TFAP2A: variants seen among roughly 807,000 people sequenced by gnomAD.
TFAP2A encodes transcription factor AP-2-alpha.
TFAP2A carries 7 observed loss-of-function variants against 41.5 expected under a neutral mutation model. The observed-to-expected ratio is 0.17, with a 90% CI of 0.10 to 0.32. The LOEUF is 0.32. TFAP2A is among the 10% of genes least tolerant of loss of function. The pLI is 1.00. For missense variants in TFAP2A, 416 were observed against 563.3 expected (o/e 0.74, Z 2.65); for synonymous variants, 247 against 242.8 (o/e 1.02, Z -0.16).
chr6:10,410,101 G>C lies in TFAP2A; in HGVS notation c.286C>G (p.Pro96Ala). 1 of 1,612,960 alleles carries C rather than the reference G, an allele frequency of 6.2e-7. No homozygotes were observed. Among genetic ancestry groups the C allele is most frequent in the Non-Finnish European group, 8.5e-7 (1 of 1,179,872 alleles). ...CTCTGCCTCTGGCCGGGCCAGCCTG[G>C]GTGCTGCGGCTGCGGCTGGGCGTGC... is the stretch of plus-strand genomic sequence containing the variant. ...PLHAQPQPQH[P>A]GWPGQRQSQE... The change falls in exon 2 of 7, where the codon CCA becomes GCA. Residue 96 changes from proline to alanine, a missense_variant. Around this residue, in one of 3 missense-constraint regions of TFAP2A, gnomAD observed 241 missense variants for 274.1 expected, o/e 0.88. Transcript: ENST00000379613.
rs188674648 is a variant in TFAP2A, at chr6:10,398,290, G to C, written c.*127C>G. On this transcript the variant is annotated 3_prime_UTR_variant, in exon 7 of 7. Coordinates refer to ENST00000379613, the MANE Select transcript of TFAP2A (RefSeq NM_001372066.1). The surrounding 1 kb of genome is among the most constrained non-coding windows in gnomAD (Gnocchi z 5.3). ...GGGACCCAAGGGCAGCGGCGGCGGC[G>C]GCGGCGGCAGCAGCAGCAGCAGTAG... The C allele has an allele frequency of 4.9e-5, 77 of 1,586,004 alleles. 1 individual carries two copies. In the African/African-American group the frequency reaches 8.0e-4, roughly 17 times the overall value.
chr6:10,398,207 T>G lies in TFAP2A; in HGVS notation c.*210A>C. On this transcript the variant is annotated 3_prime_UTR_variant, in exon 7 of 7. Transcript: ENST00000379613. This position sits in a 1 kb window ranked among gnomAD's most constrained non-coding sequence, Gnocchi z 5.3. The stretch of plus-strand genomic sequence containing the variant: ...GAGCGGGTGGGGAGGTCGAGGCGGG[T>G]GCAGAGTCGGAGAGGCTGCCCCACT... 6.8e-7 allele frequency: 1 copy of G among 1,461,812 alleles called. No homozygotes were observed. The highest frequency in any genetic ancestry group is 9.0e-7 in the Non-Finnish European group (1 of 1,110,750). 90.6% of individuals were successfully genotyped at this position (1,461,812 alleles called of 1,614,324 possible).
intron 3 of TFAP2A, 54 bp from the exon 4 acceptor site, chr6:10,404,793 C>G: frequency 2.9e-6 from 4 of 1,398,356 alleles, no homozygotes; most frequent in Non-Finnish European, 3.8e-6. Flanking sequence ...ACCCCCAAAT[C>G]CTGCCCGACC....
At chr6:10,409,815 CA>C (rs1757873152) in intron 2 of TFAP2A, 85 bp downstream of exon 2, 2 of 1,472,662 alleles carry the variant, frequency 1.4e-6, no homozygotes. Flanking sequence ...AACCCGGGCC[CA>C]CCGACTGTAT....
At chr6:10,404,422 G>T in intron 4 of TFAP2A, 86 bp downstream of exon 4, 2 of 1,032,736 alleles carry the variant, frequency 1.9e-6, no homozygotes, top group South Asian at 6.0e-5. Context: ...CGCGAGGCCT[G>T]TTTGCGTCGC....
At chr6:10,400,955 G>A (rs1288795402) in intron 5 of TFAP2A, among the ~76,000 whole-genome samples, 6 of 152,068 alleles carry the variant, frequency 3.9e-5, no homozygotes, top group African/African-American at 1.5e-4. Context: ...ATTACTCTTT[G>A]AGCTTTTCTG....
At position 10,404,531 on chromosome 6, in the gene TFAP2A, C is replaced by G. The variant is rs1372051364; in HGVS notation, c.747G>C (p.Ser249=). 4 of 1,611,684 alleles carry G rather than the reference C, an allele frequency of 2.5e-6. No homozygotes were observed. The East Asian group carries it at 8.9e-5, about 36-fold the overall frequency. ...ACCTCCGGAGCACTCCGCCCAGCAG[C>G]GACGCGTTGAGACACTCGGGTGGTG... ...RLSPPECLNA[S]LLGGVLRRAK... Residue 249 remains serine, a synonymous_variant, in exon 4 of 7, where the codon TCG becomes TCC. Transcript: ENST00000379613.
At chr6:10,412,819 A>C (rs1758053413) in intron 1 of TFAP2A, 1 of 178,852 alleles carries the variant, frequency 5.6e-6, no homozygotes, top group Non-Finnish European at 1.2e-5. Context: ...CGCTCGCTGC[A>C]CTGGTCCTCT....
intron 6 of TFAP2A, among the ~76,000 whole-genome samples, chr6:10,400,065 G>A (rs1230022704): frequency 1.3e-5 from 2 of 152,128 alleles, no homozygotes; most frequent in East Asian, 3.9e-4. Flanking sequence ...TGCCCTTGGA[G>A]AACATATTGA....
At chr6:10,404,924 A>C in intron 3 of TFAP2A, 185 bp from the exon 4 acceptor site, 3 of 610,744 alleles carry the variant, frequency 4.9e-6, no homozygotes, top group Non-Finnish European at 8.6e-6. Context: ...GCCCTTCCCT[A>C]CCTCACCCGG....
intron 1 of TFAP2A, chr6:10,412,391 T>A: frequency 1.7e-6 from 1 of 603,230 alleles, no homozygotes; most frequent in Non-Finnish European, 2.0e-6. Context: ...AAAGAAAGTG[T>A]GGGCGAGGGA....
At chr6:10,405,525 G>A (rs1479795614) in intron 3 of TFAP2A, 3 of 151,796 alleles carry the variant, frequency 2.0e-5, no homozygotes, top group Non-Finnish European at 4.4e-5. Context: ...TGGGAAAGTG[G>A]GTATATATAC....
intron 1 of TFAP2A, 120 bp downstream of exon 1, chr6:10,414,821 C>A: frequency 7.4e-7 from 1 of 1,356,340 alleles, no homozygotes. Flanking sequence ...ACGGGCGCTG[C>A]GCTGGGGAAA....
intron 2 of TFAP2A, among the ~76,000 whole-genome samples, chr6:10,408,778 C>T (rs749953669): frequency 2.0e-5 from 3 of 152,190 alleles, no homozygotes; most frequent in African/African-American, 4.8e-5. Context: ...TATTTTCCTA[C>T]GGAACTTAAA....
chr6:10,398,522 G>A lies in TFAP2A; in HGVS notation c.1215C>T (p.Thr405=), dbSNP rs201494266. 80 of 1,614,244 alleles carry A rather than the reference G, an allele frequency of 5.0e-5. No individual in the cohort carries two copies. In the Middle Eastern group the frequency reaches 3.5e-3, roughly 70 times the overall value. The change falls in exon 7 of 7, where the codon ACC becomes ACT. Residue 405 remains threonine, a synonymous_variant. Transcript: ENST00000379613. This position sits in a 1 kb window ranked among gnomAD's most constrained non-coding sequence, Gnocchi z 5.3. ...AAVTALQNYL[T]EALKAMDKMY... is the part of the protein sequence containing the mutation. ...TTTTGTCCATGGCCTTGAGGGCCTCGGTGAGATAGTTCTGCAGGGCCGTGA... is the reference window on the plus strand; with the variant it reads ...TTTTGTCCATGGCCTTGAGGGCCTCAGTGAGATAGTTCTGCAGGGCCGTGA...
chr6:10,406,127 G>C (rs1173109966), intron 3 of TFAP2A: 1 of 152,224 alleles, frequency 6.6e-6, no homozygotes, highest in Non-Finnish European at 1.5e-5. Context: ...CTGCTACCAA[G>C]AGTGAATAGC....
chr6:10,404,015 C>T (rs956192298), intron 4 of TFAP2A, among the ~76,000 whole-genome samples: 1 of 152,190 alleles, frequency 6.6e-6, no homozygotes, highest in Non-Finnish European at 1.5e-5. Flanking sequence ...TAGTTAAAAG[C>T]CATTCTATTA....
At chr6:10,414,910 G>C (rs1333390267) in intron 1 of TFAP2A, 31 bp downstream of exon 1, 1 of 1,613,866 alleles carries the variant, frequency 6.2e-7, no homozygotes, top group Non-Finnish European at 8.5e-7. Context: ...GCCTGTGACC[G>C]CACGGATGAT....
chr6:10,419,294 G>A (rs1401247228), upstream of TFAP2A: 6 of 1,158,890 alleles, frequency 5.2e-6, no homozygotes, highest in East Asian at 1.0e-4. Context: ...GCGCTGCCAG[G>A]CGCGCCTCAC....
Sources: allele counts gnomAD v4.1 joint callset (sites outside exome capture counted in the v4.1 genomes callset), GRCh38; gene constraint gnomAD v4.1.1; regional missense constraint gnomAD v4.1.1; non-coding constraint Gnocchi (gnomAD v3.1); transcripts MANE v1.5; gene names NCBI Gene and HGNC (gene_info 2026-07-23, HGNC 2026-07-21).